RBFOX1: variants seen among roughly 807,000 people sequenced by gnomAD.
The protein encoded by RBFOX1 is RNA binding fox-1 homolog 1, also known as RNA binding protein fox-1 homolog 1.
In RBFOX1, 8 loss-of-function variants were observed where a neutral mutation model predicts 57.7. That is an observed-to-expected ratio of 0.14 (90% CI 0.08 to 0.25). RBFOX1 has a LOEUF of 0.25. RBFOX1 is among the 10% of genes least tolerant of loss of function. The pLI is 1.00. For synonymous variants in RBFOX1, 326 were observed against 222.4 expected (o/e 1.47, Z -4.15); for missense variants, 611 against 548.5 (o/e 1.11, Z -1.14).
intron 1 of RBFOX1, among the ~76,000 whole-genome samples, chr16:6,029,004 C>T (rs370766019): frequency 3.3e-5 from 5 of 152,128 alleles, no homozygotes; most frequent in Admixed American, 6.5e-5. Flanking sequence ...TATTAAAAGG[C>T]AAATGATTCT....
At chr16:7,028,492 C>T in intron 3 of RBFOX1, among the ~76,000 whole-genome samples, 1 of 150,842 alleles carries the variant, frequency 6.6e-6, no homozygotes, top group Non-Finnish European at 1.5e-5. Context: ...GAGGCTGAGG[C>T]AGGAGAATCG....
chr16:7,364,705 G>C (rs1046228573), intron 4 of RBFOX1, among the ~76,000 whole-genome samples: 17 of 152,024 alleles, frequency 1.1e-4, no homozygotes, highest in African/African-American at 4.1e-4. Flanking sequence ...TCTATCATCA[G>C]ATCTCTCTGG....
chr16:6,807,757 A>C lies in RBFOX1; in HGVS notation c.-16+153107A>C, dbSNP rs373883555. Among the ~76,000 whole-genome samples the C allele has an allele frequency of 2.6e-5, 4 of 152,176 alleles. No homozygotes were observed. In the East Asian group the frequency reaches 7.7e-4, roughly 29 times the overall value. On this transcript the variant is annotated intron_variant, in intron 3 of 15. Transcript: ENST00000550418. The stretch of plus-strand genomic sequence containing the variant: ...CTTGAATCCAGGAGATGGAGGTTGT[A>C]GTGAGCTAAGATTGTGTCACTGTAC...
intron 4 of RBFOX1, among the ~76,000 whole-genome samples, chr16:7,230,812 G>C (rs190942420): frequency 1.2e-4 from 19 of 152,260 alleles, no homozygotes; most frequent in East Asian, 7.7e-4. Context: ...TTTTTGGTCA[G>C]TTTGTTTTTA....
intron 4 of RBFOX1, among the ~76,000 whole-genome samples, chr16:5,964,860 AT>A (rs1240106118): frequency 6.6e-6 from 1 of 152,156 alleles, no homozygotes; most frequent in African/African-American, 2.4e-5. Flanking sequence ...CTTAGAGTTC[AT>A]TAATGGCTGA....
intron 4 of RBFOX1, among the ~76,000 whole-genome samples, chr16:5,870,609 GT>G (rs1036919545): frequency 6.6e-6 from 1 of 150,626 alleles, no homozygotes; most frequent in Non-Finnish European, 1.5e-5. Flanking sequence ...AGATGGAACA[GT>G]TTTTTTTAGT....
intron 5 of RBFOX1, among the ~76,000 whole-genome samples, chr16:7,548,357 A>G (rs1471329718): frequency 6.6e-6 from 1 of 152,138 alleles, no homozygotes; most frequent in African/African-American, 2.4e-5. Flanking sequence ...GGGTTTCACC[A>G]TATTGGCTAG....
At chr16:6,074,858 C>T (rs2095876900) in intron 1 of RBFOX1, among the ~76,000 whole-genome samples, 1 of 152,006 alleles carries the variant, frequency 6.6e-6, no homozygotes, top group Admixed American at 6.6e-5. Context: ...TTCAGTGACT[C>T]AGAAGGCTGA....
At chr16:7,120,655 A>T (rs1006065771) in intron 4 of RBFOX1, among the ~76,000 whole-genome samples, 10 of 150,594 alleles carry the variant, frequency 6.6e-5, no homozygotes, top group African/African-American at 2.4e-4. Context: ...TCAGACACAA[A>T]TGGTTTCATT....
At chr16:5,624,361 A>AT (rs912504399) in intron 3 of RBFOX1, among the ~76,000 whole-genome samples, 7 of 151,982 alleles carry the variant, frequency 4.6e-5, no homozygotes, top group South Asian at 4.2e-4. Flanking sequence ...TGCCCAACTA[A>AT]TTTTTTTTCT....
intron 1 of RBFOX1, among the ~76,000 whole-genome samples, chr16:6,310,059 T>C (rs1271734542): frequency 6.6e-6 from 1 of 152,130 alleles, no homozygotes; most frequent in Non-Finnish European, 1.5e-5. Context: ...AGCTAATTTT[T>C]GTATTTTTAG....
At chr16:6,140,466 G>C (rs973201069) in intron 1 of RBFOX1, among the ~76,000 whole-genome samples, 1 of 152,164 alleles carries the variant, frequency 6.6e-6, no homozygotes. Flanking sequence ...AAACTGCTGG[G>C]ATTACAGGTG....
intron 3 of RBFOX1, among the ~76,000 whole-genome samples, chr16:5,614,436 G>C (rs1483023199): frequency 1.3e-5 from 2 of 152,110 alleles, no homozygotes; most frequent in African/African-American, 4.8e-5. Flanking sequence ...CACTGGCACA[G>C]AGTCGTTCCA....
At chr16:6,523,788 C>G (rs552136094) in intron 2 of RBFOX1, among the ~76,000 whole-genome samples, 168 of 152,232 alleles carry the variant, frequency 1.1e-3, no homozygotes, top group African/African-American at 3.9e-3. Flanking sequence ...TGAAATGCCA[C>G]TTATTTAGTT....
intron 1 of RBFOX1, among the ~76,000 whole-genome samples, chr16:5,415,750 G>A (rs916584101): frequency 6.6e-6 from 1 of 152,158 alleles, no homozygotes; most frequent in South Asian, 2.1e-4. Flanking sequence ...TATTTAAAGA[G>A]AAAATATTAA....
At chr16:6,183,165 A>G (rs1043986473) in intron 1 of RBFOX1, among the ~76,000 whole-genome samples, 1 of 152,120 alleles carries the variant, frequency 6.6e-6, no homozygotes, top group Non-Finnish European at 1.5e-5. Context: ...ACAATGTATT[A>G]ATCGCCATGA....
At chr16:6,569,330 A>G (rs975222213) in intron 2 of RBFOX1, among the ~76,000 whole-genome samples, 5 of 152,216 alleles carry the variant, frequency 3.3e-5, no homozygotes, top group Non-Finnish European at 5.9e-5. Flanking sequence ...GGATCCTAGT[A>G]GTATCTACCT....
chr16:7,081,279 C>T (rs2059155942), intron 4 of RBFOX1, among the ~76,000 whole-genome samples: 1 of 152,234 alleles, frequency 6.6e-6, no homozygotes, highest in Non-Finnish European at 1.5e-5. Context: ...AAGTGATCCA[C>T]CAGCCTTGGC....
At chr16:7,222,099 T>A (rs562111845) in intron 4 of RBFOX1, among the ~76,000 whole-genome samples, 2 of 152,158 alleles carry the variant, frequency 1.3e-5, no homozygotes, top group Non-Finnish European at 2.9e-5. Flanking sequence ...CCAGCTGATA[T>A]TATAAAAGGC....
Sources: gnomAD v4.1 joint callset for allele counts (sites outside exome capture counted in the v4.1 genomes callset) on GRCh38, gnomAD v4.1.1 for gene constraint, MANE v1.5 for transcripts, NCBI Gene and HGNC (gene_info 2026-07-23, HGNC 2026-07-21) for gene names.